BRAP: variants seen among roughly 807,000 people sequenced by gnomAD.
BRAP encodes BRCA1 associated protein.
Under a neutral mutation model 73.4 loss-of-function variants are expected in BRAP, and 42 were observed. The ratio of observed to expected loss-of-function variants is 0.57; its 90% CI spans 0.45 to 0.74. The LOEUF (loss-of-function observed/expected upper bound fraction) is 0.74, where lower values mean the gene tolerates loss of function less well. Among genes scored for constraint, BRAP ranks in the 30% least tolerant of loss-of-function variants. The pLI is 0.00. For synonymous variants in BRAP, 255 were observed against 267.4 expected (o/e 0.95, Z 0.45); for missense variants, 593 against 751.4 (o/e 0.79, Z 2.46).
chr12:111,685,617 C>A, intron 1 of BRAP, 94 bp downstream of exon 1: 1 of 1,429,356 alleles, frequency 7.0e-7, no homozygotes, highest in South Asian at 1.4e-5. Context: ...CAACAGCCCT[C>A]GCCGCGGGCT....
chr12:111,678,619 T>C (rs989196334), intron 4 of BRAP, among the ~76,000 whole-genome samples: 4 of 151,036 alleles, frequency 2.6e-5, no homozygotes, highest in Admixed American at 6.6e-5. Context: ...ACCACACCAC[T>C]GCACTCCAGC....
In BRAP at chr12:111,682,725, A is replaced by G. The variant is rs149962807; in HGVS notation, c.244+421T>C. The stretch of plus-strand genomic sequence containing the variant: ...CCAGGAGTATGAGACCAGCCTGGCT[A>G]ACATGGAGAAACCTTGTCTCTACTG... On this transcript the variant is annotated intron_variant, in intron 2 of 11. Coordinates refer to ENST00000419234, the MANE Select transcript of BRAP (RefSeq NM_006768.5). Among the ~76,000 whole-genome samples the G allele has an allele frequency of 1.8e-4, 28 of 152,024 alleles. No homozygotes were observed. In the East Asian group the frequency reaches 4.5e-3, roughly 24 times the overall value.
At chr12:111,682,723 C>T (rs926591057) in intron 2 of BRAP, among the ~76,000 whole-genome samples, 17 of 152,026 alleles carry the variant, frequency 1.1e-4, no homozygotes, top group African/African-American at 3.6e-4. Flanking sequence ...ACCAGCCTGG[C>T]TAACATGGAG....
intron 4 of BRAP, among the ~76,000 whole-genome samples, chr12:111,675,809 C>T (rs1469391211): frequency 2.6e-5 from 4 of 152,088 alleles, no homozygotes; most frequent in African/African-American, 7.2e-5. Flanking sequence ...GAACATACCT[C>T]TACTTCTCCA....
In BRAP at chr12:111,650,056, G is replaced by C. The variant is rs928256097; in HGVS notation, c.1312-14C>G. 1 of 1,527,682 alleles carries C rather than the reference G, an allele frequency of 6.5e-7. No individual in the cohort carries two copies. Among genetic ancestry groups the C allele is most frequent in the Non-Finnish European group, 9.1e-7 (1 of 1,103,820 alleles). The allele number at this position is 1,527,682 out of a possible 1,614,324, so 94.6% of individuals were successfully genotyped here. On this transcript the variant is annotated splice_polypyrimidine_tract_variant and intron_variant, in intron 10 of 11. Transcript: ENST00000419234. ...CATGTTGTTAATCTGAAAGAGCAAA[G>C]AGAAATCAGATTCATTTCACAAAGG... is the stretch of plus-strand genomic sequence containing the variant.
chr12:111,650,666 T>C lies in BRAP; in HGVS notation c.1312-624A>G, dbSNP rs914516911. Among the ~76,000 whole-genome samples, 3 of 152,372 alleles carry C rather than the reference T, an allele frequency of 2.0e-5. No individual in the cohort carries two copies. The South Asian group carries it at 6.2e-4, about 32-fold the overall frequency. On this transcript the variant is annotated intron_variant, in intron 10 of 11. Transcript: ENST00000419234. Reference sequence around the variant, plus strand: ...CCTCGGCCTCCCAAAGTGCTGGGATTACAGGCATGAGCCACTGCGCCTGAC... The same window carrying C: ...CCTCGGCCTCCCAAAGTGCTGGGATCACAGGCATGAGCCACTGCGCCTGAC...
At chr12:111,650,080 G>C in intron 10 of BRAP, 38 bp from the exon 11 acceptor site, 2 of 1,440,024 alleles carry the variant, frequency 1.4e-6, no homozygotes, top group Non-Finnish European at 1.9e-6. Flanking sequence ...ATTTCACAAA[G>C]GTAATGTGGT....
chr12:111,647,753 C>T lies in BRAP; in HGVS notation c.1415+2186G>A, dbSNP rs577191424. 5.9e-5 allele frequency among the ~76,000 whole-genome samples: 9 copies of T among 152,004 alleles called. No individual in the cohort carries two copies. The East Asian group carries it at 1.2e-3, about 20-fold the overall frequency. Reference sequence around the variant, plus strand: ...TCTACTAAAAATACAAAATTAGCCACGCATGGTGGTGCATGCCTGTAATTC... The same window carrying T: ...TCTACTAAAAATACAAAATTAGCCATGCATGGTGGTGCATGCCTGTAATTC... On this transcript the variant is annotated intron_variant, in intron 11 of 11. Coordinates refer to ENST00000419234, the MANE Select transcript of BRAP (RefSeq NM_006768.5).
intron 9 of BRAP, 91 bp from the exon 10 acceptor site, chr12:111,655,746 G>C: frequency 9.3e-7 from 1 of 1,073,390 alleles, no homozygotes; most frequent in South Asian, 1.3e-5. Context: ...ATGATCCACA[G>C]AAAACTAAAA....
Position 111,643,972 on chromosome 12 carries a change from T to G in BRAP, c.*227A>C. 1.7e-6 allele frequency: 1 copy of G among 597,080 alleles called. No homozygotes were observed. Among genetic ancestry groups the G allele is most frequent in the South Asian group, 2.8e-5 (1 of 35,440 alleles). The allele number at this position is 597,080 out of a possible 1,614,324, so 37.0% of individuals were successfully genotyped here. On this transcript the variant is annotated 3_prime_UTR_variant, in exon 12 of 12. Transcript: ENST00000419234. ...GCAAAATGGTCATTAGAATGTGAGG[T>G]TAGTGAACTCTTAAGACCTTTTCGA...
chr12:111,677,091 A>G (rs1887411880), intron 4 of BRAP, among the ~76,000 whole-genome samples: 1 of 152,212 alleles, frequency 6.6e-6, no homozygotes, highest in African/African-American at 2.4e-5. Context: ...GTGCAGATGT[A>G]CAAGGAAAAT....
chr12:111,678,203 C>T (rs549406250), intron 4 of BRAP, among the ~76,000 whole-genome samples: 38 of 141,842 alleles, frequency 2.7e-4, no homozygotes, highest in Non-Finnish European at 5.4e-4. Flanking sequence ...GAGCTGAGAT[C>T]GTGCCATTGC....
chr12:111,646,683 GA>G (rs1886123951), intron 11 of BRAP, among the ~76,000 whole-genome samples: 1 of 152,150 alleles, frequency 6.6e-6, no homozygotes, highest in African/African-American at 2.4e-5. Context: ...TGAGGCAGGA[GA>G]ACTGCTTGAA....
chr12:111,660,738 C>A, intron 6 of BRAP, 63 bp from the exon 7 acceptor site: 1 of 1,439,660 alleles, frequency 6.9e-7, no homozygotes, highest in South Asian at 1.3e-5. Flanking sequence ...TTACAGAACC[C>A]AAAAGTCAAA....
At chr12:111,672,524 T>C (rs1438455839) in intron 5 of BRAP, 137 bp downstream of exon 5, 1 of 704,328 alleles carries the variant, frequency 1.4e-6, no homozygotes, top group African/African-American at 1.8e-5. Flanking sequence ...CATTCGTCTC[T>C]TCCTGCCCTG....
At chr12:111,677,784 T>C (rs969748973) in intron 4 of BRAP, among the ~76,000 whole-genome samples, 17 of 152,346 alleles carry the variant, frequency 1.1e-4, no homozygotes, top group African/African-American at 4.1e-4. Flanking sequence ...CTGTTCTTAA[T>C]GTCAACTTGT....
At chr12:111,681,583 C>CAAAAAAA (rs368877992) in intron 3 of BRAP, 54 bp downstream of exon 3, 13 of 1,119,982 alleles carry the variant, frequency 1.2e-5, no homozygotes, top group African/African-American at 4.5e-5. Context: ...TAAAGCAAAG[C>CAAAAAAA]AAAAAAAAAA....
rs546749054 is a variant in BRAP at position 111,651,699 on chromosome 12, G to A, written c.1312-1657C>T. On this transcript the variant is annotated intron_variant, in intron 10 of 11. Coordinates refer to ENST00000419234, the MANE Select transcript of BRAP (RefSeq NM_006768.5). ...GTCACCCAGGCTGGAGTGCAATGGC[G>A]CTATCTTGGCTCACTACAACCTCCA... 3.8e-4 allele frequency among the ~76,000 whole-genome samples: 54 copies of A among 142,120 alleles called. 1 individual carries two copies. Among genetic ancestry groups the A allele is most frequent in the Admixed American group, 3.0e-3 (41 of 13,722 alleles). 93.2% of individuals were successfully genotyped at this position (142,120 alleles called of 152,430 possible). A position where few individuals can be genotyped will look rare whatever the true frequency, so the allele number is the denominator to read the frequency against.
chr12:111,659,364 T>A lies in BRAP; in HGVS notation c.973-19A>T. 1 of 1,601,784 alleles carries A rather than the reference T, an allele frequency of 6.2e-7. No homozygotes were observed. The highest frequency in any genetic ancestry group is 8.5e-7 in the Non-Finnish European group (1 of 1,171,950). ...AAAGATTCTGCCGGAAGAGGTAAGATCTTAATTAGTTAAATAAAAATAAAT... is the reference window on the plus strand; with the variant it reads ...AAAGATTCTGCCGGAAGAGGTAAGAACTTAATTAGTTAAATAAAAATAAAT... On this transcript the variant is annotated intron_variant, in intron 7 of 11. Transcript: ENST00000419234.
Sources: gnomAD v4.1 joint callset for allele counts (sites outside exome capture counted in the v4.1 genomes callset) on GRCh38, gnomAD v4.1.1 for gene constraint, MANE v1.5 for transcripts, NCBI Gene and HGNC (gene_info 2026-07-23, HGNC 2026-07-21) for gene names.